The following RPTOR variants were observed in gnomAD, a reference collection of about 807,000 sequenced individuals.
RPTOR encodes the protein regulatory-associated protein of mTOR.
In RPTOR, 21 loss-of-function variants were observed where a neutral mutation model predicts 169.9. The observed-to-expected ratio is 0.12, with a 90% CI of 0.09 to 0.18. The LOEUF is 0.18. Among genes scored for constraint, RPTOR ranks in the 10% least tolerant of loss-of-function variants. The pLI, the probability that RPTOR is intolerant of heterozygous loss-of-function variation, is 1.00. For synonymous variants in RPTOR, 732 were observed against 753.2 expected (o/e 0.97, Z 0.46); for missense variants, 1,133 against 1,855.9 (o/e 0.61, Z 7.16).
At chr17:80,776,663 G>A (rs987914517) in intron 6 of RPTOR, among the ~76,000 whole-genome samples, 10 of 152,158 alleles carry the variant, frequency 6.6e-5, no homozygotes, top group Admixed American at 2.6e-4. Context: ...CTAATTACAC[G>A]GCCCCAAATC....
At chr17:80,728,737 G>C (rs182754820) in intron 4 of RPTOR, among the ~76,000 whole-genome samples, 2,553 of 149,506 alleles carry the variant, frequency 0.017, 73 homozygotes, top group African/African-American at 0.059. Flanking sequence ...TTGCTCTTGT[G>C]CTTTTTTTTT....
chr17:80,817,540 G>A (rs2067336623), intron 7 of RPTOR, among the ~76,000 whole-genome samples: 1 of 152,076 alleles, frequency 6.6e-6, no homozygotes, highest in Non-Finnish European at 1.5e-5. Context: ...AGTGAACCGG[G>A]GAGGGACAGG....
Position 80,707,810 on chromosome 17 carries a change from G to T in RPTOR, c.349-31G>T, listed in dbSNP as rs372329755. Reference sequence around the variant, plus strand: ...TTCCAAGCATTCCCTGGAGTCCGTGGTAAATTTCTTCATTTCTTCTCCTGC... The same window carrying T: ...TTCCAAGCATTCCCTGGAGTCCGTGTTAAATTTCTTCATTTCTTCTCCTGC... On this transcript the variant is annotated intron_variant, in intron 3 of 33. Coordinates refer to ENST00000306801, the MANE Select transcript of RPTOR (RefSeq NM_020761.3). The surrounding 1 kb of genome is among the most constrained non-coding windows in gnomAD (Gnocchi z 5.0). 6.2e-7 allele frequency: 1 copy of T among 1,602,722 alleles called. No individual in the cohort carries two copies. Among genetic ancestry groups the T allele is most frequent in the Non-Finnish European group, 8.5e-7 (1 of 1,171,976 alleles).
rs987118497 is a variant in RPTOR, at chr17:80,730,488, C to T, written c.508-72C>T. 2.5e-5 allele frequency: 38 copies of T among 1,518,248 alleles called. No individual in the cohort carries two copies. The highest frequency in any genetic ancestry group is 1.1e-4 in the South Asian group (9 of 84,638). 94.0% of individuals were successfully genotyped at this position (1,518,248 alleles called of 1,614,324 possible). The stretch of plus-strand genomic sequence containing the variant: ...GGCTCAATGTGTGTGCCTTTTGTAA[C>T]GGTGCAGTACTCACCAGCAGCCCAT... On this transcript the variant is annotated intron_variant, in intron 4 of 33. Coordinates refer to ENST00000306801, the MANE Select transcript of RPTOR (RefSeq NM_020761.3). The surrounding 1 kb of genome is among the most constrained non-coding windows in gnomAD (Gnocchi z 4.2).
chr17:80,636,676 A>G (rs2065509267), intron 2 of RPTOR, among the ~76,000 whole-genome samples: 1 of 152,106 alleles, frequency 6.6e-6, no homozygotes, highest in Non-Finnish European at 1.5e-5. Context: ...TATTCAGAAC[A>G]TAGCACTAGC....
Position 80,961,640 on chromosome 17 carries a change from C to T in RPTOR, c.3692+160C>T, listed in dbSNP as rs529811871. ...CTGGCCAGAAAGATCAGGCGCAGCCCGTAGGGGCCCAGGGGCCACAGCTGC... is the reference window on the plus strand; with the variant it reads ...CTGGCCAGAAAGATCAGGCGCAGCCTGTAGGGGCCCAGGGGCCACAGCTGC... On this transcript the variant is annotated intron_variant, in intron 31 of 33. Transcript: ENST00000306801. 1.0e-4 allele frequency: 85 copies of T among 836,920 alleles called. 1 individual carries two copies. The African/African-American group carries it at 1.2e-3, about 12-fold the overall frequency. The allele number at this position is 836,920 out of a possible 1,614,324, so 51.8% of individuals were successfully genotyped here. A position where few individuals can be genotyped will look rare whatever the true frequency, so the allele number is the denominator to read the frequency against.
In RPTOR at chr17:80,800,715, C is replaced by T. The variant is rs9911354; in HGVS notation, c.890+9206C>T. On this transcript the variant is annotated intron_variant, in intron 7 of 33. Coordinates refer to ENST00000306801, the MANE Select transcript of RPTOR (RefSeq NM_020761.3). ...CTGGAAATTAAGGGACATTTTTCAGCCCTGAAACAAAGTAATGCAACACTT... is the reference window on the plus strand; with the variant it reads ...CTGGAAATTAAGGGACATTTTTCAGTCCTGAAACAAAGTAATGCAACACTT... Among the ~76,000 whole-genome samples the T allele has an allele frequency of 4.7e-3, 723 of 152,262 alleles. 9 individuals carry two copies. The highest frequency in any genetic ancestry group is 0.016 in the African/African-American group (675 of 41,542).
At chr17:80,812,415 A>G (rs1446260194) in intron 7 of RPTOR, among the ~76,000 whole-genome samples, 2 of 152,056 alleles carry the variant, frequency 1.3e-5, no homozygotes, top group Non-Finnish European at 1.5e-5. Flanking sequence ...GAGGCTGTGA[A>G]GTCTGAATTG....
intron 3 of RPTOR, among the ~76,000 whole-genome samples, chr17:80,689,859 T>C (rs1237753008): frequency 6.6e-6 from 1 of 152,224 alleles, no homozygotes; most frequent in African/African-American, 2.4e-5. Flanking sequence ...AGATTTTTGG[T>C]ATGTGTACCT....
chr17:80,561,830 G>A (rs890607295), intron 1 of RPTOR, among the ~76,000 whole-genome samples: 4 of 152,120 alleles, frequency 2.6e-5, no homozygotes, highest in Non-Finnish European at 5.9e-5. Flanking sequence ...GTGTGACTGT[G>A]TGAATATGTA....
chr17:80,910,024 G>T (rs909961501), intron 21 of RPTOR, among the ~76,000 whole-genome samples: 7 of 152,078 alleles, frequency 4.6e-5, no homozygotes, highest in Non-Finnish European at 8.8e-5. Flanking sequence ...TTTTTTCTCT[G>T]CCTCATGGGT....
rs552509506 is a variant in RPTOR at position 80,837,109 on chromosome 17, G to C, written c.1137-813G>C. On this transcript the variant is annotated intron_variant, in intron 9 of 33. Transcript: ENST00000306801. ...GTTCACCGTGACGGGAAGGAGGCCG[G>C]AGGAGAAAGCCTCATAATGTCCAAG... is the stretch of plus-strand genomic sequence containing the variant. 3.7e-4 allele frequency among the ~76,000 whole-genome samples: 57 copies of C among 152,260 alleles called. 1 individual carries two copies. Among genetic ancestry groups the C allele is most frequent in the African/African-American group, 1.3e-3 (54 of 41,534 alleles).
intron 3 of RPTOR, among the ~76,000 whole-genome samples, chr17:80,674,880 C>CCACCCAT (rs2065851371): frequency 6.7e-6 from 1 of 149,526 alleles, no homozygotes; most frequent in South Asian, 2.1e-4. Context: ...AATGACAATA[C>CCACCCAT]CACCCATCTT....
At chr17:80,814,657 G>A (rs1354251890) in intron 7 of RPTOR, among the ~76,000 whole-genome samples, 1 of 152,174 alleles carries the variant, frequency 6.6e-6, no homozygotes, top group Non-Finnish European at 1.5e-5. Flanking sequence ...CACCTGTTCT[G>A]TATTCAACGT....
At chr17:80,910,649 T>TC (rs1390032069) in intron 21 of RPTOR, among the ~76,000 whole-genome samples, 9 of 151,992 alleles carry the variant, frequency 5.9e-5, no homozygotes, top group Non-Finnish European at 1.5e-5. Flanking sequence ...CTATCGAGTC[T>TC]CCCCCTCTCA....
At chr17:80,806,189 A>G (rs147100097) in intron 7 of RPTOR, among the ~76,000 whole-genome samples, 1 of 152,330 alleles carries the variant, frequency 6.6e-6, no homozygotes, top group African/African-American at 2.4e-5. Context: ...CTCGGGTGCC[A>G]TGTTCACTCC....
chr17:80,755,358 T>G (rs1220635650), intron 6 of RPTOR, among the ~76,000 whole-genome samples: 3 of 152,058 alleles, frequency 2.0e-5, no homozygotes, highest in African/African-American at 7.2e-5. Flanking sequence ...CCTAGCACTT[T>G]AGGAGGCTGA....
chr17:80,546,246 A>T (rs750045849), intron 1 of RPTOR, among the ~76,000 whole-genome samples: 2 of 152,208 alleles, frequency 1.3e-5, no homozygotes, highest in Admixed American at 6.5e-5. Context: ...AAAATGTTCA[A>T]CTAGTAACAA....
At chr17:80,611,844 A>G (rs1258377348) in intron 1 of RPTOR, among the ~76,000 whole-genome samples, 1 of 151,844 alleles carries the variant, frequency 6.6e-6, no homozygotes, top group Non-Finnish European at 1.5e-5. Flanking sequence ...CCCCCCTGTA[A>G]ATGACACAGA....
Sources: allele counts gnomAD v4.1 joint callset (sites outside exome capture counted in the v4.1 genomes callset), GRCh38; gene constraint gnomAD v4.1.1; non-coding constraint Gnocchi (gnomAD v3.1); transcripts MANE v1.5; gene names NCBI Gene and HGNC (gene_info 2026-07-23, HGNC 2026-07-21).